Variants in CELF2 observed in about 807,000 individuals in gnomAD.
CELF2 encodes the protein CUG triplet repeat RNA-binding protein 2.
In CELF2, 8 loss-of-function variants were observed where a neutral mutation model predicts 62.6. The ratio of observed to expected loss-of-function variants is 0.13; its 90% confidence interval spans 0.07 to 0.23. CELF2 has a LOEUF of 0.23. Ranked by LOEUF, CELF2 falls within the 10% of genes least tolerant of loss-of-function variation. The probability of loss-of-function intolerance (pLI) is 1.00; values close to 1 mark genes in which losing one functional copy is unlikely to be tolerated. For synonymous variants in CELF2, 258 were observed against 250.0 expected, an observed-to-expected ratio of 1.03 and a Z score of -0.30; for missense variants, 333 against 671.0, an observed-to-expected ratio of 0.50 and a Z score of 5.56.
the CELF2 span, among the ~76,000 whole-genome samples, chr10:10,522,557 G>C: frequency 6.6e-6 from 1 of 152,134 alleles, no homozygotes; most frequent in East Asian, 1.9e-4. Flanking sequence ...AGAAGGTGGT[G>C]GTGGTTGTTG....
chr10:10,563,503 A>G, the CELF2 span, among the ~76,000 whole-genome samples: 9 of 151,416 alleles, frequency 5.9e-5, no homozygotes, highest in African/African-American at 2.2e-4. Context: ...CCAGACTTGG[A>G]AGGCTGAGGC....
intron 9 of CELF2, among the ~76,000 whole-genome samples, chr10:11,307,255 G>A (rs1377179466): frequency 6.6e-6 from 1 of 152,242 alleles, no homozygotes; most frequent in Non-Finnish European, 1.5e-5. Context: ...GCACCTGGAT[G>A]GGGGCGCAGC....
In CELF2 at chr10:10,829,588, A is replaced by T. The variant is rs148465794; in HGVS notation, c.53+30771A>T. Among the ~76,000 whole-genome samples the T allele has an allele frequency of 6.3e-3, 965 of 152,322 alleles. 10 individuals carry two copies. Among genetic ancestry groups the T allele is most frequent in the African/African-American group, 0.022 (927 of 41,578 alleles). ...CTTAAATATCTTTATTCCTTCCCAG[A>T]TGTTATTCCAAGGGAATTGATCTGT... On this transcript the variant is annotated intron_variant, in intron 1 of 13. Coordinates refer to the CELF2 transcript ENST00000636488.
rs539996749 is a variant in CELF2 at position 10,853,139 on chromosome 10, C to T, written c.53+54322C>T. Among the ~76,000 whole-genome samples, 11 of 152,086 alleles carry T rather than the reference C, an allele frequency of 7.2e-5. 1 individual carries two copies. Among genetic ancestry groups the T allele is most frequent in the Admixed American group, 2.0e-4 (3 of 15,268 alleles). ...AACTACAGGTGCACACCACCATGCC[C>T]GGCTAATTTTTTTGTATTTTTATTA... On this transcript the variant is annotated intron_variant, in intron 1 of 13. Coordinates refer to the CELF2 transcript ENST00000636488.
chr10:11,276,783 A>G (rs2086294048), intron 8 of CELF2, among the ~76,000 whole-genome samples: 1 of 152,172 alleles, frequency 6.6e-6, no homozygotes, highest in African/African-American at 2.4e-5. Flanking sequence ...GTGCCCTGTC[A>G]TCTTTCATTA....
intron 1 of CELF2, among the ~76,000 whole-genome samples, chr10:10,904,252 G>A (rs1008796577): frequency 2.9e-4 from 40 of 136,928 alleles, no homozygotes; most frequent in Non-Finnish European, 5.6e-4. Flanking sequence ...TTAGAGACAG[G>A]GTCTCCTTCT....
At chr10:10,981,533 A>G (rs1199336246) in intron 2 of CELF2, among the ~76,000 whole-genome samples, 1 of 152,254 alleles carries the variant, frequency 6.6e-6, no homozygotes, top group African/African-American at 2.4e-5. Flanking sequence ...GTTGAGAAAC[A>G]ACAAAAATAT....
the CELF2 span, among the ~76,000 whole-genome samples, chr10:10,636,928 C>T: frequency 3.9e-5 from 6 of 152,204 alleles, no homozygotes; most frequent in Middle Eastern, 3.4e-3. Flanking sequence ...AGTTTTTAAA[C>T]GTGTCTCCTC....
chr10:10,856,484 A>G (rs548676060), intron 1 of CELF2, among the ~76,000 whole-genome samples: 104 of 152,328 alleles, frequency 6.8e-4, no homozygotes, highest in Non-Finnish European at 1.1e-3. Context: ...CATTTTGGCT[A>G]AAGGTAAGGA....
At chr10:10,740,153 C>CTTTTTT in the CELF2 span, among the ~76,000 whole-genome samples, 89 of 94,424 alleles carry the variant, frequency 9.4e-4, 1 homozygote, top group African/African-American at 1.2e-3. Flanking sequence ...GTTGCCTGTG[C>CTTTTTT]TTTTTTTTTT....
At chr10:11,205,925 C>T (rs2060326826) in intron 2 of CELF2, among the ~76,000 whole-genome samples, 1 of 152,148 alleles carries the variant, frequency 6.6e-6, no homozygotes, top group African/African-American at 2.4e-5. Flanking sequence ...TTCAGCCTAG[C>T]CTTGGATTTC....
chr10:11,201,343 C>T (rs1331142863), intron 2 of CELF2, among the ~76,000 whole-genome samples: 1 of 152,172 alleles, frequency 6.6e-6, no homozygotes, highest in African/African-American at 2.4e-5. Context: ...TGGTGGGTGG[C>T]TTTCCTCCAT....
intron 3 of CELF2, among the ~76,000 whole-genome samples, chr10:11,222,880 A>G (rs2065298319): frequency 6.6e-6 from 1 of 152,262 alleles, no homozygotes; most frequent in African/African-American, 2.4e-5. Flanking sequence ...TTAGTGATAC[A>G]AATTGTTTCA....
the CELF2 span, among the ~76,000 whole-genome samples, chr10:10,793,141 TC>T: frequency 6.6e-5 from 10 of 152,218 alleles, no homozygotes; most frequent in Admixed American, 6.5e-4. Flanking sequence ...CAGAATTTTT[TC>T]TTTTTTAGCT....
intron 1 of CELF2, among the ~76,000 whole-genome samples, chr10:11,155,934 C>G (rs1386100287): frequency 6.6e-6 from 1 of 152,134 alleles, no homozygotes; most frequent in African/African-American, 2.4e-5. Flanking sequence ...AGAGACCAGC[C>G]TGAGATTAAA....
chr10:10,706,491 C>T, the CELF2 span, among the ~76,000 whole-genome samples: 1 of 152,162 alleles, frequency 6.6e-6, no homozygotes, highest in Admixed American at 6.5e-5. Flanking sequence ...AGTGTCTTAA[C>T]CCAGAGTGTC....
At position 11,048,982 on chromosome 10, in the gene CELF2, T is replaced by C. The variant is rs547140995; in HGVS notation, c.74+30819T>C. ...TTTGTCTCTGGATACTGCATTCATGTATTAGAAGCCAGAGGAGCTTCAAAA... is the reference window on the plus strand; with the variant it reads ...TTTGTCTCTGGATACTGCATTCATGCATTAGAAGCCAGAGGAGCTTCAAAA... On this transcript the variant is annotated intron_variant, in intron 1 of 12. Coordinates refer to ENST00000633077, the MANE Select transcript of CELF2 (RefSeq NM_001326342.2). Among the ~76,000 whole-genome samples, 13 of 152,330 alleles carry C rather than the reference T, an allele frequency of 8.5e-5. No homozygotes were observed. The South Asian group carries it at 2.5e-3, about 29-fold the overall frequency.
intron 2 of CELF2, among the ~76,000 whole-genome samples, chr10:11,194,972 T>G (rs1215772522): frequency 2.6e-5 from 4 of 152,230 alleles, no homozygotes; most frequent in African/African-American, 9.6e-5. Flanking sequence ...TGAATTTGAA[T>G]TTTTAACAGG....
chr10:10,791,864 T>G, the CELF2 span, among the ~76,000 whole-genome samples: 1 of 152,176 alleles, frequency 6.6e-6, no homozygotes, highest in South Asian at 2.1e-4. Context: ...TAACGGGGTT[T>G]GTATTGTTTT....
Sources: allele counts gnomAD v4.1 joint callset (sites outside exome capture counted in the v4.1 genomes callset), GRCh38; gene constraint gnomAD v4.1.1; transcripts MANE v1.5; gene names NCBI Gene and HGNC (gene_info 2026-07-23, HGNC 2026-07-21).